The following PPP1R7 variants were observed in gnomAD, a reference collection of about 807,000 sequenced individuals.
PPP1R7 encodes protein phosphatase 1 regulatory subunit 22.
In PPP1R7, 18 loss-of-function variants were observed where a neutral mutation model predicts 45.2. That is an observed-to-expected ratio of 0.40 (90% CI 0.28 to 0.59). The LOEUF is 0.59. Ranked by LOEUF, PPP1R7 falls within the 20% of genes least tolerant of loss-of-function variation. The pLI is 0.46. For synonymous variants in PPP1R7, 181 were observed against 183.4 expected (o/e 0.99, Z 0.11); for missense variants, 314 against 455.8 (o/e 0.69, Z 2.83).
intron 6 of PPP1R7, among the ~76,000 whole-genome samples, chr2:241,161,805 G>T (rs757673054): frequency 2.6e-5 from 4 of 152,204 alleles, no homozygotes; most frequent in Non-Finnish European, 4.4e-5. Flanking sequence ...CCGTGGGCAG[G>T]AAGGAGGACT....
chr2:241,150,314 A>C, upstream of PPP1R7: 2 of 1,330,046 alleles, frequency 1.5e-6, no homozygotes, highest in Non-Finnish European at 1.9e-6. Flanking sequence ...GCTCTGGGGG[A>C]GGCGCGGCGC....
At chr2:241,178,914 A>G (rs2149072186) in intron 9 of PPP1R7, among the ~76,000 whole-genome samples, 1 of 151,486 alleles carries the variant, frequency 6.6e-6, no homozygotes, top group South Asian at 2.1e-4. Context: ...ACATTCTACC[A>G]GTTGTTTATG....
chr2:241,162,980 A>G (rs1192470648), intron 6 of PPP1R7, among the ~76,000 whole-genome samples: 1 of 152,080 alleles, frequency 6.6e-6, no homozygotes, highest in Admixed American at 6.5e-5. Context: ...GGACATTTTA[A>G]TGTGTCAGCT....
rs768979690 is a variant in PPP1R7, at chr2:241,163,308, A to G, written c.621A>G (p.Leu207=). 9.9e-6 allele frequency: 16 copies of G among 1,613,220 alleles called. No individual in the cohort carries two copies. Among genetic ancestry groups the G allele is most frequent in the African/African-American group, 1.3e-5 (1 of 74,862 alleles). The change falls in exon 7 of 10, where the codon TTA becomes TTG. Residue 207 remains leucine (L), a synonymous_variant. Coordinates refer to ENST00000234038, the MANE Select transcript of PPP1R7 (RefSeq NM_002712.3). ...AGGCAATCGAAAATATCGACACCTTAACCAACCTGGAGAGTTTGTTTTTGG... is the reference window on the plus strand; with the variant it reads ...AGGCAATCGAAAATATCGACACCTTGACCAACCTGGAGAGTTTGTTTTTGG... ...RIRAIENIDT[L]TNLESLFLGK...
chr2:241,172,915 A>C (rs949872114), intron 9 of PPP1R7, among the ~76,000 whole-genome samples: 2 of 151,838 alleles, frequency 1.3e-5, no homozygotes, highest in Non-Finnish European at 2.9e-5. Context: ...TAAGTACATT[A>C]AATACTTTGT....
At chr2:241,153,402 AC>A in intron 1 of PPP1R7, 73 bp from the exon 2 acceptor site, 4 of 1,572,240 alleles carry the variant, frequency 2.5e-6, no homozygotes, top group Non-Finnish European at 3.5e-6. Context: ...TTGACTTACA[AC>A]CGGGTGTTTA....
rs760180315 is a variant in PPP1R7, at chr2:241,166,453, ACTGT to A, written c.819+20_819+23del. 5.1e-5 allele frequency: 82 copies of A among 1,610,652 alleles called. No homozygotes were observed. The highest frequency in any genetic ancestry group is 3.3e-5 in the South Asian group (3 of 90,764). ...GCCTGGAGAACAATGTAAGACACCCACTGTCTGTCTGGGGCTGTGTGGGCGGTGG... is the reference window on the plus strand; with the variant it reads ...GCCTGGAGAACAATGTAAGACACCCACTGTCTGGGGCTGTGTGGGCGGTGG... On this transcript the variant is annotated intron_variant, in intron 8 of 9. Transcript: ENST00000234038.
chr2:241,165,027 G>A (rs964396330), intron 7 of PPP1R7, among the ~76,000 whole-genome samples: 2 of 152,108 alleles, frequency 1.3e-5, no homozygotes, highest in African/African-American at 4.8e-5. Context: ...CAGCCTGGGT[G>A]ACAGAGCGAG....
chr2:241,151,720 G>C (rs35157723), intron 1 of PPP1R7, among the ~76,000 whole-genome samples: 1 of 151,984 alleles, frequency 6.6e-6, no homozygotes, highest in South Asian at 2.1e-4. Flanking sequence ...ATAAAAGCCC[G>C]GCTTTTCTCA....
chr2:241,159,813 T>G (rs1198045485), intron 5 of PPP1R7, among the ~76,000 whole-genome samples: 1 of 152,150 alleles, frequency 6.6e-6, no homozygotes, highest in African/African-American at 2.4e-5. Flanking sequence ...GGAGGATCAC[T>G]TGAGCCTAGA....
intron 4 of PPP1R7, 33 bp downstream of exon 4, chr2:241,158,582 C>T (rs755690036): frequency 6.3e-7 from 1 of 1,586,226 alleles, no homozygotes. Context: ...GACTATGACG[C>T]TCACCCATAG....
At chr2:241,175,595 G>A (rs1340646746) in intron 9 of PPP1R7, among the ~76,000 whole-genome samples, 1 of 152,082 alleles carries the variant, frequency 6.6e-6, no homozygotes, top group African/African-American at 2.4e-5. Flanking sequence ...AATAGTGCCT[G>A]ATACACTTTT....
chr2:241,155,552 T>A (rs1178519025), intron 2 of PPP1R7, among the ~76,000 whole-genome samples: 2 of 152,218 alleles, frequency 1.3e-5, no homozygotes. Flanking sequence ...AAATTATTTT[T>A]AAAATATGAT....
Position 241,171,408 on chromosome 2 carries a change from TA to T in PPP1R7, c.906+1543del, listed in dbSNP as rs370646467. 1.3e-3 allele frequency among the ~76,000 whole-genome samples: 197 copies of T among 152,356 alleles called. 2 individuals are homozygous for T. Among genetic ancestry groups the T allele is most frequent in the African/African-American group, 4.4e-3 (185 of 41,586 alleles). ...CCAATTATCACAGCAACCATGTGGATAAGGTCATATTACCCCATTTTACAGG... is the reference window on the plus strand; with the variant it reads ...CCAATTATCACAGCAACCATGTGGATAGGTCATATTACCCCATTTTACAGG... On this transcript the variant is annotated intron_variant, in intron 9 of 9. Transcript: ENST00000234038.
In PPP1R7 at chr2:241,158,566, T is replaced by G. The variant is rs759735668; in HGVS notation, c.303+17T>G. On this transcript the variant is annotated intron_variant, in intron 4 of 9. Transcript: ENST00000234038. ...AAAGTGAAGGTGAGAGGGACTCTTATGAGGGGACTATGACGCTCACCCATA... is the reference window on the plus strand; with the variant it reads ...AAAGTGAAGGTGAGAGGGACTCTTAGGAGGGGACTATGACGCTCACCCATA... 3.1e-6 allele frequency: 5 copies of G among 1,606,152 alleles called. No individual in the cohort carries two copies. The South Asian group carries it at 5.5e-5, about 18-fold the overall frequency.
At chr2:241,168,559 G>A (rs1012489889) in intron 8 of PPP1R7, among the ~76,000 whole-genome samples, 21 of 152,222 alleles carry the variant, frequency 1.4e-4, no homozygotes, top group African/African-American at 4.6e-4. Context: ...CTCTGAACCC[G>A]CCCCACTGAG....
chr2:241,153,635 G>A (rs566768565), intron 2 of PPP1R7, 31 bp downstream of exon 2: 1 of 1,609,732 alleles, frequency 6.2e-7, no homozygotes, highest in African/African-American at 1.3e-5. Context: ...GGGGACATCT[G>A]CTGGTTGGGG....
intron 9 of PPP1R7, among the ~76,000 whole-genome samples, chr2:241,171,346 A>G (rs891578993): frequency 2.6e-5 from 4 of 152,230 alleles, no homozygotes; most frequent in Admixed American, 2.6e-4. Flanking sequence ...GAATTTGCAC[A>G]GCGCTTTATG....
At chr2:241,167,035 TCTCA>T (rs2067730226) in intron 8 of PPP1R7, 7 of 1,611,970 alleles carry the variant, frequency 4.3e-6, no homozygotes, top group East Asian at 2.2e-5. Context: ...CCCCGGCCCT[TCTCA>T]CTCAGGTGCA....
Sources: allele counts gnomAD v4.1 joint callset (sites outside exome capture counted in the v4.1 genomes callset), GRCh38; gene constraint gnomAD v4.1.1; transcripts MANE v1.5; gene names NCBI Gene and HGNC (gene_info 2026-07-23, HGNC 2026-07-21).